LRRTM4: variants seen among roughly 807,000 people sequenced by gnomAD.
LRRTM4 encodes leucine rich repeat transmembrane neuronal 4, also known as leucine-rich repeat transmembrane neuronal protein 4.
LRRTM4 carries 25 observed loss-of-function variants against 47.6 expected under a neutral mutation model. The ratio of observed to expected loss-of-function variants is 0.53; its 90% CI spans 0.38 to 0.73. The LOEUF (loss-of-function observed/expected upper bound fraction) is 0.73, where lower values mean the gene tolerates loss of function less well. LRRTM4 is among the 30% of genes least tolerant of loss of function. The probability of loss-of-function intolerance (pLI) is 0.00; values close to 1 mark genes in which losing one functional copy is unlikely to be tolerated. For synonymous variants in LRRTM4, 311 were observed against 269.5 expected (o/e 1.15, Z -1.51); for missense variants, 638 against 713.4 (o/e 0.89, Z 1.20).
intron 3 of LRRTM4, among the ~76,000 whole-genome samples, chr2:76,951,479 C>A (rs1675492153): frequency 6.6e-6 from 1 of 151,934 alleles, no homozygotes; most frequent in Non-Finnish European, 1.5e-5. Context: ...AAAAGCAGGT[C>A]ACTGGACCAC....
chr2:77,232,188 T>C (rs1263700929), intron 3 of LRRTM4, among the ~76,000 whole-genome samples: 1 of 152,204 alleles, frequency 6.6e-6, no homozygotes, highest in East Asian at 1.9e-4. Context: ...ACTCTGCCTG[T>C]GAGTGTGTTG....
At chr2:76,749,556 A>G (rs1228728661) in intron 3 of LRRTM4, among the ~76,000 whole-genome samples, 2 of 152,172 alleles carry the variant, frequency 1.3e-5, no homozygotes, top group Non-Finnish European at 2.9e-5. Flanking sequence ...GAACTCTGGA[A>G]TCATGGGAGA....
intron 3 of LRRTM4, among the ~76,000 whole-genome samples, chr2:77,003,280 TTTCA>T (rs1374295699): frequency 6.6e-6 from 1 of 151,942 alleles, no homozygotes; most frequent in African/African-American, 2.4e-5. Context: ...ATTTGCTTAT[TTTCA>T]TTATTATTAT....
At chr2:76,944,544 T>C (rs772682365) in intron 3 of LRRTM4, among the ~76,000 whole-genome samples, 2 of 152,094 alleles carry the variant, frequency 1.3e-5, no homozygotes, top group Non-Finnish European at 2.9e-5. Context: ...ACTGAATGTA[T>C]TGTTTCTGAA....
intron 3 of LRRTM4, among the ~76,000 whole-genome samples, chr2:76,870,516 C>T (rs1218061808): frequency 1.3e-5 from 2 of 152,076 alleles, no homozygotes; most frequent in Admixed American, 6.6e-5. Context: ...AGCAATATGT[C>T]AAGCTTAGGT....
intron 3 of LRRTM4, among the ~76,000 whole-genome samples, chr2:77,059,535 C>G (rs980507918): frequency 6.6e-6 from 1 of 152,114 alleles, no homozygotes; most frequent in Admixed American, 6.6e-5. Context: ...ATGTGCCTGA[C>G]CAGCATAATT....
At chr2:77,474,666 T>G (rs984061970) in intron 3 of LRRTM4, among the ~76,000 whole-genome samples, 5 of 152,140 alleles carry the variant, frequency 3.3e-5, no homozygotes, top group African/African-American at 1.2e-4. Context: ...ATTTCTTCTT[T>G]GTACTTTATA....
intron 3 of LRRTM4, among the ~76,000 whole-genome samples, chr2:77,297,142 G>T (rs998940440): frequency 6.6e-6 from 1 of 152,012 alleles, no homozygotes; most frequent in Non-Finnish European, 1.5e-5. Context: ...TGGTGGTAAT[G>T]GTTGTTTTTG....
At chr2:77,148,249 T>G (rs1242273789) in intron 3 of LRRTM4, among the ~76,000 whole-genome samples, 1 of 152,184 alleles carries the variant, frequency 6.6e-6, no homozygotes, top group Admixed American at 6.6e-5. Flanking sequence ...AAATGCACTT[T>G]GAGAATGCCT....
At chr2:76,915,314 T>C (rs1368259386) in intron 3 of LRRTM4, among the ~76,000 whole-genome samples, 1 of 152,146 alleles carries the variant, frequency 6.6e-6, no homozygotes, top group East Asian at 1.9e-4. Context: ...CAAAACGGGA[T>C]TGAGTCCTAC....
At chr2:77,355,469 T>A (rs1309082985) in intron 3 of LRRTM4, among the ~76,000 whole-genome samples, 2 of 152,276 alleles carry the variant, frequency 1.3e-5, no homozygotes, top group Admixed American at 1.3e-4. Flanking sequence ...GATTCATTCT[T>A]ACTAATCACC....
At chr2:77,423,823 T>C (rs941623114) in intron 3 of LRRTM4, among the ~76,000 whole-genome samples, 59 of 152,066 alleles carry the variant, frequency 3.9e-4, no homozygotes, top group Non-Finnish European at 6.0e-4. Context: ...TAGATGAAAA[T>C]GGACCCCGAG....
intron 3 of LRRTM4, among the ~76,000 whole-genome samples, chr2:77,226,914 C>G (rs916521636): frequency 3.9e-5 from 6 of 151,928 alleles, no homozygotes; most frequent in African/African-American, 1.4e-4. Flanking sequence ...TGAACTGAGT[C>G]GCCCAATTCA....
chr2:76,829,757 A>G (rs1671295929), intron 3 of LRRTM4, among the ~76,000 whole-genome samples: 2 of 152,096 alleles, frequency 1.3e-5, no homozygotes, highest in South Asian at 4.1e-4. Context: ...CAAGCAATGT[A>G]TTCTGGTGTT....
At position 77,164,854 on chromosome 2, in the gene LRRTM4, G is replaced by T. The variant is rs367819168; in HGVS notation, c.1551+353464C>A. 1.7e-4 allele frequency among the ~76,000 whole-genome samples: 26 copies of T among 152,232 alleles called. No homozygotes were observed. In the East Asian group the frequency reaches 3.9e-3, roughly 23 times the overall value. On this transcript the variant is annotated intron_variant, in intron 3 of 3. Transcript: ENST00000409884. ...TTTATAGCACCAAATGCCCACAAGA[G>T]AAAGCAGAAAAGATCTAAAATTGAC...
chr2:76,791,639 TTAAGCTG>T (rs1184145458), intron 3 of LRRTM4, among the ~76,000 whole-genome samples: 1 of 152,176 alleles, frequency 6.6e-6, no homozygotes, highest in Non-Finnish European at 1.5e-5. Context: ...CAAAACTTTC[TTAAGCTG>T]TGAGAACCAG....
chr2:77,459,506 G>A (rs1676693738), intron 3 of LRRTM4, among the ~76,000 whole-genome samples: 1 of 151,892 alleles, frequency 6.6e-6, no homozygotes, highest in South Asian at 2.1e-4. Context: ...AAAAAATTAG[G>A]AGTTGATTTT....
Position 77,184,675 on chromosome 2 carries a change from C to G in LRRTM4, c.1551+333643G>C, listed in dbSNP as rs147525613. On this transcript the variant is annotated intron_variant, in intron 3 of 3. Coordinates refer to ENST00000409884, the MANE Select transcript of LRRTM4 (RefSeq NM_001134745.3). ...TTACTCTATTCGCCTCTGATCCCTCCCAGCCATAAATAAAACAAGCACAAT... is the reference window on the plus strand; with the variant it reads ...TTACTCTATTCGCCTCTGATCCCTCGCAGCCATAAATAAAACAAGCACAAT... Among the ~76,000 whole-genome samples, 136 of 152,146 alleles carry G rather than the reference C, an allele frequency of 8.9e-4. 2 individuals carry two copies. The East Asian group carries it at 0.022, about 24-fold the overall frequency.
intron 3 of LRRTM4, among the ~76,000 whole-genome samples, chr2:77,434,068 T>A (rs1483376110): frequency 2.0e-5 from 3 of 152,086 alleles, no homozygotes; most frequent in African/African-American, 7.2e-5. Context: ...TAGACATAAT[T>A]GTCCAATGGG....
Sources: gnomAD v4.1 joint callset for allele counts (sites outside exome capture counted in the v4.1 genomes callset) on GRCh38, gnomAD v4.1.1 for gene constraint, MANE v1.5 for transcripts, NCBI Gene and HGNC (gene_info 2026-07-23, HGNC 2026-07-21) for gene names.